Variants in SUSD1 observed in about 807,000 individuals in gnomAD.
SUSD1 encodes sushi domain containing 1.
In SUSD1, 65 loss-of-function variants were observed where a neutral mutation model predicts 86.9. That is an observed-to-expected ratio of 0.75 (90% CI 0.61 to 0.92). The LOEUF (loss-of-function observed/expected upper bound fraction) is 0.92, where lower values mean the gene tolerates loss of function less well. SUSD1 is among the 40% of genes least tolerant of loss of function. The probability of loss-of-function intolerance (pLI) is 0.00; values close to 1 mark genes in which losing one functional copy is unlikely to be tolerated. For synonymous variants in SUSD1, 346 were observed against 350.0 expected (o/e 0.99, Z 0.13); for missense variants, 850 against 929.7 (o/e 0.91, Z 1.11).
At chr9:112,155,022 A>T (rs1833232851) in intron 2 of SUSD1, among the ~76,000 whole-genome samples, 1 of 152,104 alleles carries the variant, frequency 6.6e-6, no homozygotes, top group South Asian at 2.1e-4. Flanking sequence ...AGTCTGAGGC[A>T]GGCAGATCAC....
Position 112,078,811 on chromosome 9 carries a change from C to CTTTTTTTTTTT in SUSD1, c.1567-98_1567-88dup, listed in dbSNP as rs71496739. 128 of 641,380 alleles carry CTTTTTTTTTTT rather than the reference C, an allele frequency of 2.0e-4. 4 individuals are homozygous for CTTTTTTTTTTT. In the African/African-American group the frequency reaches 2.5e-3, roughly 13 times the overall value. 39.7% of individuals were successfully genotyped at this position (641,380 alleles called of 1,614,324 possible). On this transcript the variant is annotated intron_variant, in intron 11 of 16. Transcript: ENST00000374270. Reference sequence around the variant, plus strand: ...ACCTCCCCTTTTCCTTTTTCTTTCTCTTTTTTTTTTTTTTTTTTTGAGATG... The same window carrying CTTTTTTTTTTT: ...ACCTCCCCTTTTCCTTTTTCTTTCTCTTTTTTTTTTTTTTTTTTTTTTTTTTTTTTGAGATG...
intron 1 of SUSD1, among the ~76,000 whole-genome samples, chr9:112,166,647 T>C (rs979822653): frequency 6.6e-6 from 1 of 152,098 alleles, no homozygotes; most frequent in Non-Finnish European, 1.5e-5. Context: ...GGAGAGGAAT[T>C]CTCCAGGCCA....
At chr9:112,055,577 G>T (rs1410769591) in intron 14 of SUSD1, among the ~76,000 whole-genome samples, 1 of 152,176 alleles carries the variant, frequency 6.6e-6, no homozygotes, top group Non-Finnish European at 1.5e-5. Flanking sequence ...AAATGGTATA[G>T]CACTATGGAA....
intron 10 of SUSD1, among the ~76,000 whole-genome samples, chr9:112,082,877 C>G (rs1829827487): frequency 6.6e-6 from 1 of 151,984 alleles, no homozygotes; most frequent in African/African-American, 2.4e-5. Context: ...ACCACCACGT[C>G]CGGCTTATTT....
intron 8 of SUSD1, among the ~76,000 whole-genome samples, chr9:112,110,365 A>G (rs1831038409): frequency 6.6e-6 from 1 of 151,814 alleles, no homozygotes; most frequent in South Asian, 2.1e-4. Flanking sequence ...TAAATAAATG[A>G]CATCAATTAC....
rs1832511774 is a variant in SUSD1 at position 112,140,385 on chromosome 9, A to G, written c.706+1935T>C. ...CTCCGTCTCCAAAAAAAAAAAAAAT[A>G]CAAAAATTGTCCAGGCATGGTAGTT... On this transcript the variant is annotated intron_variant, in intron 5 of 16. Transcript: ENST00000374270. Among the ~76,000 whole-genome samples the G allele has an allele frequency of 2.0e-5, 3 of 151,390 alleles. No individual in the cohort carries two copies. The South Asian group carries it at 6.2e-4, about 32-fold the overall frequency.
chr9:112,098,173 T>G (rs1830477467), intron 10 of SUSD1, among the ~76,000 whole-genome samples: 1 of 152,158 alleles, frequency 6.6e-6, no homozygotes, highest in Admixed American at 6.5e-5. Flanking sequence ...TCAGTTGTCT[T>G]AAATTTGGGG....
chr9:112,129,273 C>T (rs753741121), intron 5 of SUSD1, among the ~76,000 whole-genome samples: 1 of 152,106 alleles, frequency 6.6e-6, no homozygotes, highest in Non-Finnish European at 1.5e-5. Flanking sequence ...TAGAGATATA[C>T]GAAGTATAGA....
rs147239661 is a variant in SUSD1 at position 112,121,199 on chromosome 9, C to T, written c.886+3058G>A. On this transcript the variant is annotated intron_variant, in intron 6 of 16. Coordinates refer to ENST00000374270, the MANE Select transcript of SUSD1 (RefSeq NM_022486.5). ...TCTCTAAGAGAAGACTGCATTGTAT[C>T]TCTGGGTTCTTATCCAGCTCTACCC... Among the ~76,000 whole-genome samples, 269 of 152,304 alleles carry T rather than the reference C, an allele frequency of 1.8e-3. 1 individual carries two copies. The highest frequency in any genetic ancestry group is 6.1e-3 in the African/African-American group (255 of 41,570).
intron 10 of SUSD1, among the ~76,000 whole-genome samples, chr9:112,089,298 T>C (rs572171160): frequency 3.9e-5 from 6 of 152,094 alleles, no homozygotes; most frequent in East Asian, 3.9e-4. Context: ...GCAGAAAATA[T>C]AACACAATAC....
At chr9:112,134,588 A>ACC (rs1832175433) in intron 5 of SUSD1, among the ~76,000 whole-genome samples, 1 of 152,114 alleles carries the variant, frequency 6.6e-6, no homozygotes, top group African/African-American at 2.4e-5. Context: ...AGAACGACAG[A>ACC]CATAGAGGAC....
chr9:112,165,972 A>G (rs1313107805), intron 1 of SUSD1, among the ~76,000 whole-genome samples: 1 of 151,652 alleles, frequency 6.6e-6, no homozygotes, highest in Non-Finnish European at 1.5e-5. Context: ...AAAGAAAGAA[A>G]GAAAGAAAGA....
intron 12 of SUSD1, among the ~76,000 whole-genome samples, chr9:112,068,492 A>G (rs1829091723): frequency 6.6e-6 from 1 of 152,066 alleles, no homozygotes; most frequent in Admixed American, 6.5e-5. Flanking sequence ...TTTGAGGCCA[A>G]GAGTTCAAGA....
At chr9:112,111,929 C>G (rs1029498052) in intron 7 of SUSD1, 89 bp from the exon 8 acceptor site, 2 of 1,328,708 alleles carry the variant, frequency 1.5e-6, no homozygotes, top group African/African-American at 2.9e-5. Flanking sequence ...TCCTACTATT[C>G]TATTTTATAC....
intron 3 of SUSD1, among the ~76,000 whole-genome samples, chr9:112,148,480 A>G (rs1391514647): frequency 6.6e-6 from 1 of 152,136 alleles, no homozygotes; most frequent in Non-Finnish European, 1.5e-5. Context: ...GTGAGCCAAC[A>G]GCCGGGTGCC....
chr9:112,063,887 C>T (rs187482851), intron 12 of SUSD1, among the ~76,000 whole-genome samples: 1 of 152,294 alleles, frequency 6.6e-6, no homozygotes, highest in East Asian at 1.9e-4. Context: ...CATTTGCTTC[C>T]TCTCTTGGGG....
intron 6 of SUSD1, among the ~76,000 whole-genome samples, chr9:112,121,423 T>G (rs1831549149): frequency 6.6e-6 from 1 of 152,228 alleles, no homozygotes; most frequent in Non-Finnish European, 1.5e-5. Flanking sequence ...TATGTGTATG[T>G]GTATGTGCAT....
intron 10 of SUSD1, among the ~76,000 whole-genome samples, chr9:112,086,766 CA>C (rs763762999): frequency 2.0e-5 from 3 of 151,884 alleles, no homozygotes; most frequent in Non-Finnish European, 4.4e-5. Context: ...CAAGATCCTA[CA>C]AGGCAAAAGA....
chr9:112,073,411 C>T (rs866423292), intron 12 of SUSD1, among the ~76,000 whole-genome samples: 2 of 152,104 alleles, frequency 1.3e-5, no homozygotes, highest in Non-Finnish European at 2.9e-5. Flanking sequence ...TTGTGTAAGA[C>T]AAGTGGTCTG....
Sources: allele counts gnomAD v4.1 joint callset (sites outside exome capture counted in the v4.1 genomes callset), GRCh38; gene constraint gnomAD v4.1.1; transcripts MANE v1.5; gene names NCBI Gene and HGNC (gene_info 2026-07-23, HGNC 2026-07-21).